The following GOLGA8O variants were observed in gnomAD, a reference collection of about 807,000 sequenced individuals.
GOLGA8O encodes the protein golgin A8 family member O.
A neutral mutation model predicts 29.7 loss-of-function variants in GOLGA8O; 4 were observed. That is an observed-to-expected ratio of 0.13 (90% confidence interval 0.07 to 0.31). The LOEUF (loss-of-function observed/expected upper bound fraction) is 0.31. GOLGA8O is among the 10% of genes least tolerant of loss of function. The pLI, the probability that GOLGA8O is intolerant of heterozygous loss-of-function variation, is 1.00. For synonymous variants in GOLGA8O, 6 were observed against 78.0 expected (o/e 0.08, Z 4.87); for missense variants, 32 against 216.5 (o/e 0.15, Z 5.35).
At chr15:32,452,696 G>A in intron 3 of GOLGA8O, 57 bp downstream of exon 3, 11 of 270,854 alleles carry the variant, frequency 4.1e-5, no homozygotes, top group Non-Finnish European at 6.6e-5. Context: ...CCACCTGGAG[G>A]AGGAGGTTGG....
upstream of GOLGA8O, among the ~76,000 whole-genome samples, chr15:32,457,538 T>TA (rs201716392): frequency 0.31 from 1,548 of 4,928 alleles, no homozygotes; most frequent in Middle Eastern, 0.46. Flanking sequence ...GGGCATTTAG[T>TA]AACATTCCCT....
upstream of GOLGA8O, among the ~76,000 whole-genome samples, chr15:32,458,226 GGGGGATACT>G (rs1407983217): frequency 1.7e-5 from 1 of 58,760 alleles, no homozygotes; most frequent in Admixed American, 1.4e-4. Context: ...GTGGAGGTCA[GGGGGATACT>G]GAGAACAAGG....
Position 32,451,082 on chromosome 15 carries a change from C to T in GOLGA8O, c.481+36G>A. ...CTCCTCCTGAAGACCTGTCAAAGTG[C>T]CAGGTTGAAGGATGACAGGGTGCCC... On this transcript the variant is annotated intron_variant, in intron 7 of 18. Coordinates refer to ENST00000509311, the MANE Select transcript of GOLGA8O (RefSeq NM_001277308.1). 3 of 1,185,288 alleles carry T rather than the reference C, an allele frequency of 2.5e-6. 1 individual carries two copies. The highest frequency in any genetic ancestry group is 3.5e-6 in the Non-Finnish European group (3 of 866,084). The allele number at this position is 1,185,288 out of a possible 1,614,324, so 73.4% of individuals were successfully genotyped here. A position where few individuals can be genotyped will look rare whatever the true frequency, so the allele number is the denominator to read the frequency against.
intron 17 of GOLGA8O, 39 bp from the exon 18 acceptor site, chr15:32,445,561 C>CG: frequency 8.3e-6 from 1 of 120,628 alleles, no homozygotes; most frequent in Non-Finnish European, 1.5e-5. Context: ...CCGCTGCCTG[C>CG]GCCCACCCTC....
In GOLGA8O at chr15:32,444,493, CA is replaced by C. The variant is rs2055061833; in HGVS notation, c.*612del. ...TTCTGTGAGATTTAAAAAGCTCCCCCAAAAGGTTATCACTCCCATCACCAAT... is the reference window on the plus strand; with the variant it reads ...TTCTGTGAGATTTAAAAAGCTCCCCCAAAGGTTATCACTCCCATCACCAAT... On this transcript the variant is annotated 3_prime_UTR_variant, in exon 19 of 19. Transcript: ENST00000509311. 9.5e-6 allele frequency among the ~76,000 whole-genome samples: 1 copy of C among 105,626 alleles called. No homozygotes were observed. The allele number at this position is 105,626 out of a possible 152,430, so 69.3% of individuals were successfully genotyped here.
chr15:32,450,556 C>A (rs1427427662), intron 8 of GOLGA8O, among the ~76,000 whole-genome samples: 6 of 145,604 alleles, frequency 4.1e-5, no homozygotes, highest in Non-Finnish European at 7.6e-5. Flanking sequence ...CACACATGCA[C>A]GCGTTTCCTC....
intron 8 of GOLGA8O, among the ~76,000 whole-genome samples, chr15:32,450,637 C>T (rs538343119): frequency 2.5e-3 from 374 of 150,626 alleles, no homozygotes; most frequent in Non-Finnish European, 3.6e-3. Context: ...CAATACCCCA[C>T]CTAGGACTTG....
Position 32,452,783 on chromosome 15 carries a change from A to G in GOLGA8O, c.198T>C (p.Pro66=). The part of the protein sequence containing the change: ...DSATGFHREG[P]TSSATLKDLE... ...GATCTTTCAGGGTAGCAGATGATGT[A>G]GGGCCTTCCCTGTGGAAACCTGTTG... is the stretch of plus-strand genomic sequence containing the variant. Residue 66 remains proline (P), a synonymous_variant, in exon 3 of 19, where the codon CCT becomes CCC. Transcript: ENST00000509311. 4.6e-6 allele frequency: 1 copy of G among 218,964 alleles called. No individual in the cohort carries two copies. Among genetic ancestry groups the G allele is most frequent in the African/African-American group, 1.2e-4 (1 of 8,160 alleles). 13.6% of individuals were successfully genotyped at this position (218,964 alleles called of 1,614,324 possible).
Position 32,453,334 on chromosome 15 carries a change from AC to A in GOLGA8O, c.168+368del, listed in dbSNP as rs1370282247. Among the ~76,000 whole-genome samples the A allele has an allele frequency of 1.2e-4, 9 of 76,384 alleles. 1 individual carries two copies. 50.1% of individuals were successfully genotyped at this position (76,384 alleles called of 152,430 possible). A position where few individuals can be genotyped will look rare whatever the true frequency, so the allele number is the denominator to read the frequency against. ...TTTTGAGACAGAGTCTTGCTCTTTC[AC>A]CAGGCTGGAGTGCGGTGGCATAATC... On this transcript the variant is annotated intron_variant, in intron 2 of 18. Transcript: ENST00000509311.
At chr15:32,446,414 G>C in intron 15 of GOLGA8O, 60 bp downstream of exon 15, 1 of 1,417,308 alleles carries the variant, frequency 7.1e-7, no homozygotes, top group South Asian at 1.2e-5. Context: ...AGCATAAAGG[G>C]GTCTTGGAGG....
rs1346862589 is a variant in GOLGA8O at position 32,444,414 on chromosome 15, GA to G, written c.*691del. ...ACACCGCTAATTCCTGGCACCGGAAGAGATGAAACACACTCTATCTTGCACA... is the reference window on the plus strand; with the variant it reads ...ACACCGCTAATTCCTGGCACCGGAAGGATGAAACACACTCTATCTTGCACA... On this transcript the variant is annotated 3_prime_UTR_variant, in exon 19 of 19. Transcript: ENST00000509311. Among the ~76,000 whole-genome samples, 4 of 113,022 alleles carry G rather than the reference GA, an allele frequency of 3.5e-5. No homozygotes were observed. Among genetic ancestry groups the G allele is most frequent in the Non-Finnish European group, 8.0e-5 (4 of 49,858 alleles). 74.1% of individuals were successfully genotyped at this position (113,022 alleles called of 152,430 possible).
chr15:32,446,844 G>T, intron 14 of GOLGA8O, 153 bp downstream of exon 14: 1 of 76,772 alleles, frequency 1.3e-5, no homozygotes, highest in Non-Finnish European at 2.2e-5. Context: ...CTCACAGGAG[G>T]TCACCACACT....
In GOLGA8O at chr15:32,451,519, G is replaced by A. The variant is rs567925785; in HGVS notation, c.348+82C>T. On this transcript the variant is annotated intron_variant, in intron 5 of 18. Coordinates refer to ENST00000509311, the MANE Select transcript of GOLGA8O (RefSeq NM_001277308.1). ...GAGCCTTCTTCCCCAAGCTGGGAGT[G>A]GGTGAGACGAGACTGGGGCCTGTAT... 1.3e-3 allele frequency: 2,133 copies of A among 1,596,964 alleles called. 75 individuals carry two copies. Among genetic ancestry groups the A allele is most frequent in the Admixed American group, 2.7e-3 (161 of 59,300 alleles).
At position 32,452,506 on chromosome 15, in the gene GOLGA8O, GTTC is replaced by G; in HGVS notation, c.291_293del (p.Lys97del). ...GGACTCTTACCAAAGATTTGATGGT[GTTC>G]TTCAGTCGACTGATTTTTACGGACG... On this transcript the variant is annotated inframe_deletion, in exon 4 of 19. Coordinates refer to ENST00000509311, the MANE Select transcript of GOLGA8O (RefSeq NM_001277308.1). 23 of 603,462 alleles carry G rather than the reference GTTC, an allele frequency of 3.8e-5. 1 individual carries two copies. The highest frequency in any genetic ancestry group is 3.7e-4 in the South Asian group (23 of 61,956). 37.4% of individuals were successfully genotyped at this position (603,462 alleles called of 1,614,324 possible).
intron 8 of GOLGA8O, among the ~76,000 whole-genome samples, chr15:32,450,479 AC>A (rs1199293586): frequency 8.8e-4 from 126 of 143,694 alleles, no homozygotes; most frequent in Admixed American, 8.0e-3. Context: ...TTTTTTATGA[AC>A]CCTTGCAGAC....
chr15:32,446,301 G>A (rs375472857), intron 15 of GOLGA8O, among the ~76,000 whole-genome samples, 173 bp downstream of exon 15: 134 of 137,640 alleles, frequency 9.7e-4, no homozygotes, highest in African/African-American at 2.0e-3. Context: ...CTTCCCTTGG[G>A]GCCTCAGAGA....
chr15:32,451,569 A>T, intron 5 of GOLGA8O, 32 bp downstream of exon 5: 1 of 1,591,226 alleles, frequency 6.3e-7, no homozygotes, highest in Non-Finnish European at 8.5e-7. Context: ...CAAACCCAGC[A>T]GTCATGTCGC....
Position 32,455,557 on chromosome 15 carries a change from AG to A in GOLGA8O, c.-22del. On this transcript the variant is annotated 5_prime_UTR_variant, in exon 1 of 19. Coordinates refer to ENST00000509311, the MANE Select transcript of GOLGA8O (RefSeq NM_001277308.1). ...GCCATTGCAGGGTGGGGAGGGAGGA[AG>A]GGTTGGGGCCACAGCAGCAAAATCC... 1 of 436,362 alleles carries A rather than the reference AG, an allele frequency of 2.3e-6. No individual in the cohort carries two copies. Among genetic ancestry groups the A allele is most frequent in the Non-Finnish European group, 4.1e-6 (1 of 243,436 alleles). The allele number at this position is 436,362 out of a possible 1,614,324, so 27.0% of individuals were successfully genotyped here. A position where few individuals can be genotyped will look rare whatever the true frequency, so the allele number is the denominator to read the frequency against.
At chr15:32,450,543 A>G (rs2055108796) in intron 8 of GOLGA8O, among the ~76,000 whole-genome samples, 1 of 143,740 alleles carries the variant, frequency 7.0e-6, no homozygotes, top group Non-Finnish European at 1.5e-5. Flanking sequence ...ACACACACAC[A>G]CACACACATG....
Sources: gnomAD v4.1 joint callset for allele counts (sites outside exome capture counted in the v4.1 genomes callset) on GRCh38, gnomAD v4.1.1 for gene constraint, MANE v1.5 for transcripts, NCBI Gene and HGNC (gene_info 2026-07-23, HGNC 2026-07-21) for gene names.